The following MGST1 variants were observed in gnomAD, a reference collection of about 807,000 sequenced individuals.
MGST1 encodes the protein microsomal glutathione S-transferase 1.
Under a neutral mutation model 8.9 loss-of-function variants are expected in MGST1, and 5 were observed. That is an observed-to-expected ratio of 0.56 (90% CI 0.29 to 1.19). MGST1 has a LOEUF of 1.19. Ranked by LOEUF, MGST1 falls within the 50% of genes most tolerant of loss-of-function variation. The pLI, the probability that MGST1 is intolerant of heterozygous loss-of-function variation, is 0.08. For synonymous variants in MGST1, 54 were observed against 67.8 expected, an observed-to-expected ratio of 0.80 and a Z score of 1.00; for missense variants, 182 against 187.4, an observed-to-expected ratio of 0.97 and a Z score of 0.17.
At chr12:16,467,542 C>T (rs905185985) in intron 4 of MGST1, among the ~76,000 whole-genome samples, 3 of 152,174 alleles carry the variant, frequency 2.0e-5, no homozygotes, top group Non-Finnish European at 4.4e-5. Flanking sequence ...TAAGAGCCCA[C>T]AGACATAACA....
At position 16,413,889 on chromosome 12, in the gene MGST1, T is replaced by G. The variant is rs942231350; in HGVS notation, n.779-23499T>G. On this transcript the variant is annotated intron_variant and non_coding_transcript_variant, in intron 1 of 1. Coordinates refer to the MGST1 transcript ENST00000359720. This position sits in a 1 kb window ranked among gnomAD's most constrained non-coding sequence, Gnocchi z 4.0. ...TCAATGAATGAAAGTATACATATAT[T>G]AATATGAATATGTGAATGTATATTA... Among the ~76,000 whole-genome samples, 2 of 152,186 alleles carry G rather than the reference T, an allele frequency of 1.3e-5. No homozygotes were observed. The highest frequency in any genetic ancestry group is 2.4e-5 in the African/African-American group (1 of 41,448).
chr12:16,425,626 A>G (rs1448193463), intron 1 of MGST1, among the ~76,000 whole-genome samples: 1 of 152,132 alleles, frequency 6.6e-6, no homozygotes, highest in Non-Finnish European at 1.5e-5. Flanking sequence ...CACCACACCA[A>G]TAAAGACACT....
intron 4 of MGST1, among the ~76,000 whole-genome samples, chr12:16,486,422 G>T (rs1941399506): frequency 6.6e-6 from 1 of 152,096 alleles, no homozygotes; most frequent in Non-Finnish European, 1.5e-5. Context: ...GGTTAAAAAT[G>T]CTTATTTGAA....
At position 16,559,565 on chromosome 12, in the gene MGST1, T is replaced by C. The variant is rs933605814; in HGVS notation, n.483-29963T>C. The stretch of plus-strand genomic sequence containing the variant: ...AAATGCTCCTCTCCAATGATAATAA[T>C]TGTTTAATTATTAGCTATATCTGGA... On this transcript the variant is annotated intron_variant and non_coding_transcript_variant, in intron 4 of 4. Coordinates refer to the MGST1 transcript ENST00000538857. The surrounding 1 kb of genome is among the most constrained non-coding windows in gnomAD (Gnocchi z 4.1). Among the ~76,000 whole-genome samples the C allele has an allele frequency of 6.6e-6, 1 of 152,190 alleles. No individual in the cohort carries two copies. The highest frequency in any genetic ancestry group is 1.5e-5 in the Non-Finnish European group (1 of 68,038).
At chr12:16,357,251 T>A (rs1458334543) in intron 2 of MGST1, among the ~76,000 whole-genome samples, 3 of 152,122 alleles carry the variant, frequency 2.0e-5, no homozygotes, top group Non-Finnish European at 1.5e-5. Context: ...CCATGTTATT[T>A]CTTGGTTTGT....
chr12:16,568,863 AT>A (rs1257843825), intron 4 of MGST1, among the ~76,000 whole-genome samples: 1 of 152,150 alleles, frequency 6.6e-6, no homozygotes, highest in Non-Finnish European at 1.5e-5. Flanking sequence ...GAGATCCAAA[AT>A]TTTCTAACTG....
chr12:16,568,126 T>C (rs1942683535), intron 4 of MGST1, among the ~76,000 whole-genome samples: 1 of 152,214 alleles, frequency 6.6e-6, no homozygotes, highest in Admixed American at 6.5e-5. Context: ...TGAAAGTTAT[T>C]GTCATCGGTT....
intron 1 of MGST1, among the ~76,000 whole-genome samples, chr12:16,387,566 G>C (rs1351597866): frequency 1.4e-5 from 2 of 144,708 alleles, no homozygotes; most frequent in East Asian, 4.2e-4. Context: ...TCGCTCTGTT[G>C]CCCAGGCTGG....
At chr12:16,486,947 C>T (rs1336519023) in intron 4 of MGST1, among the ~76,000 whole-genome samples, 4 of 152,082 alleles carry the variant, frequency 2.6e-5, no homozygotes, top group East Asian at 3.9e-4. Flanking sequence ...TCTTCCAGGC[C>T]GCGACTGTTT....
chr12:16,364,207 T>A lies in MGST1; in HGVS notation c.*166T>A. ...TTGCCAATATCCTGTATTCTTGTTT[T>A]ACATTTGGATTAGAAATTTAACATA... On this transcript the variant is annotated 3_prime_UTR_variant, in exon 4 of 4. Coordinates refer to ENST00000396210, the MANE Select transcript of MGST1 (RefSeq NM_020300.5). This position sits in a 1 kb window ranked among gnomAD's most constrained non-coding sequence, Gnocchi z 5.7. 1 of 1,290,010 alleles carries A rather than the reference T, an allele frequency of 7.8e-7. No homozygotes were observed. The highest frequency in any genetic ancestry group is 9.8e-7 in the Non-Finnish European group (1 of 1,018,314). The allele number at this position is 1,290,010 out of a possible 1,614,324, so 79.9% of individuals were successfully genotyped here. A position where few individuals can be genotyped will look rare whatever the true frequency, so the allele number is the denominator to read the frequency against.
intron 4 of MGST1, among the ~76,000 whole-genome samples, chr12:16,531,466 AAAG>A (rs768310164): frequency 6.6e-5 from 10 of 152,072 alleles, no homozygotes; most frequent in African/African-American, 1.4e-4. Context: ...ATAGAGGTGC[AAAG>A]AAGAAGTGAA....
intron 4 of MGST1, among the ~76,000 whole-genome samples, chr12:16,574,756 T>C (rs747684655): frequency 6.6e-6 from 1 of 152,180 alleles, no homozygotes; most frequent in Non-Finnish European, 1.5e-5. Context: ...CTTCTATAAA[T>C]CTGTAATAGA....
intron 4 of MGST1, among the ~76,000 whole-genome samples, chr12:16,470,697 C>A (rs912055679): frequency 1.3e-5 from 2 of 152,010 alleles, no homozygotes; most frequent in African/African-American, 4.8e-5. Context: ...TTTAATATAG[C>A]CTTTTGAACA....
At chr12:16,591,617 G>C (rs1779714740), downstream of MGST1, among the ~76,000 whole-genome samples, 1 of 152,018 alleles carries the variant, frequency 6.6e-6, no homozygotes, top group South Asian at 2.1e-4. The surrounding 1 kb of genome is among the most constrained non-coding windows in gnomAD (Gnocchi z 4.1). Flanking sequence ...AAATGGGAAT[G>C]GGGATGATTG....
At chr12:16,583,046 C>A (rs1354108927) in intron 4 of MGST1, among the ~76,000 whole-genome samples, 410 of 126,648 alleles carry the variant, frequency 3.2e-3, no homozygotes, top group East Asian at 5.8e-3. Flanking sequence ...GACTCCGCCT[C>A]AAAAAAAAAA....
At chr12:16,493,561 A>G (rs891001044) in intron 4 of MGST1, among the ~76,000 whole-genome samples, 10 of 152,196 alleles carry the variant, frequency 6.6e-5, no homozygotes, top group Admixed American at 6.5e-4. Context: ...AAGTCCTGAT[A>G]TAGCAGTGAC....
In MGST1 at chr12:16,497,457, C is replaced by G. The variant is rs1252094339; in HGVS notation, n.483-92071C>G. On this transcript the variant is annotated intron_variant and non_coding_transcript_variant, in intron 4 of 4. Coordinates refer to the MGST1 transcript ENST00000538857. The surrounding 1 kb of genome is among the most constrained non-coding windows in gnomAD (Gnocchi z 4.4). ...GAGTGGAATGAAGACTGCACATTCT[C>G]ACACTGCATCATGGTAAAGTGAAAA... is the stretch of plus-strand genomic sequence containing the variant. Among the ~76,000 whole-genome samples the G allele has an allele frequency of 1.3e-5, 2 of 152,132 alleles. No homozygotes were observed. Among genetic ancestry groups the G allele is most frequent in the Non-Finnish European group, 2.9e-5 (2 of 68,010 alleles).
chr12:16,523,016 G>A (rs1219292882), intron 4 of MGST1, among the ~76,000 whole-genome samples: 1 of 151,502 alleles, frequency 6.6e-6, no homozygotes, highest in African/African-American at 2.4e-5. Flanking sequence ...ATATGAAGTG[G>A]GCTTTTTTTT....
intron 1 of MGST1, among the ~76,000 whole-genome samples, chr12:16,424,092 G>A (rs1401538402): frequency 6.6e-6 from 1 of 152,186 alleles, no homozygotes; most frequent in East Asian, 1.9e-4. Context: ...CCAGTGGAGA[G>A]CTAGAATCAT....
Sources: gnomAD v4.1 joint callset for allele counts (sites outside exome capture counted in the v4.1 genomes callset) on GRCh38, gnomAD v4.1.1 for gene constraint, Gnocchi (gnomAD v3.1) non-coding constraint, MANE v1.5 for transcripts, NCBI Gene and HGNC (gene_info 2026-07-23, HGNC 2026-07-21) for gene names.